Variants in SLC15A2 observed in about 807,000 individuals in gnomAD.
SLC15A2 encodes the protein solute carrier family 15 member 2.
Under a neutral mutation model 95.5 loss-of-function variants are expected in SLC15A2, and 77 were observed. The observed-to-expected ratio is 0.81, with a 90% CI of 0.67 to 0.97. SLC15A2 has a LOEUF of 0.97. SLC15A2 is among the 50% of genes least tolerant of loss of function. The pLI is 0.00. For synonymous variants in SLC15A2, 306 were observed against 306.9 expected, an observed-to-expected ratio of 1.00 and a Z score of 0.03; for missense variants, 893 against 874.4, an observed-to-expected ratio of 1.02 and a Z score of -0.27.
Position 121,911,672 on chromosome 3 carries a change from T to A in SLC15A2, c.428+6T>A. On this transcript the variant is annotated splice_donor_region_variant and intron_variant, in intron 4 of 21. Coordinates refer to ENST00000489711, the MANE Select transcript of SLC15A2 (RefSeq NM_021082.4). ...GGAGGACAAGTGGTACACACGTGAG[T>A]AAAATCATGGAATCAACTAAACTAC... 1 of 1,574,964 alleles carries A rather than the reference T, an allele frequency of 6.3e-7. No individual in the cohort carries two copies. The highest frequency in any genetic ancestry group is 8.7e-7 in the Non-Finnish European group (1 of 1,144,582).
chr3:121,897,467 C>T lies in SLC15A2; in HGVS notation c.273C>T (p.Ser91=), dbSNP rs1289948843. The change falls in exon 3 of 22, where the codon AGC becomes AGT. Residue 91 remains serine (S), a synonymous_variant. Transcript: ENST00000489711. ...CATCTATATACCATGCCTTCAGCAG[C>T]CTCTGTTATTTTACTCCCATCCTGG... is the stretch of plus-strand genomic sequence containing the variant. ...TSTSIYHAFS[S]LCYFTPILGA... 1.9e-6 allele frequency: 3 copies of T among 1,614,092 alleles called. No homozygotes were observed. Among genetic ancestry groups the T allele is most frequent in the Non-Finnish European group, 2.5e-6 (3 of 1,180,012 alleles).
At chr3:121,938,690 G>A (rs1054636064) in intron 19 of SLC15A2, among the ~76,000 whole-genome samples, 132 of 152,290 alleles carry the variant, frequency 8.7e-4, no homozygotes, top group African/African-American at 2.7e-3. Context: ...AGATGAGCCC[G>A]GTACCTCAGA....
chr3:121,937,635 T>C (rs559850417), intron 19 of SLC15A2, among the ~76,000 whole-genome samples: 6 of 152,270 alleles, frequency 3.9e-5, no homozygotes, highest in East Asian at 1.9e-4. Context: ...TAAGCACTTC[T>C]CTGTATTGGT....
In SLC15A2 at chr3:121,942,591, C is replaced by T. The variant is rs1576697541; in HGVS notation, c.*1584C>T. ...CAGAAATATAAGAGCGGCAGCCAGA[C>T]CAACCAGTTTTTCCAGATATCTTGA... On this transcript the variant is annotated 3_prime_UTR_variant, in exon 22 of 22. Coordinates refer to ENST00000489711, the MANE Select transcript of SLC15A2 (RefSeq NM_021082.4). 1 of 152,156 alleles carries T rather than the reference C, an allele frequency of 6.6e-6. No homozygotes were observed. The highest frequency in any genetic ancestry group is 1.5e-5 in the Non-Finnish European group (1 of 68,014). The allele number at this position is 152,156 out of a possible 1,614,324, so 9.4% of individuals were successfully genotyped here.
At chr3:121,935,130 G>T (rs561428446) in intron 19 of SLC15A2, among the ~76,000 whole-genome samples, 548 of 152,286 alleles carry the variant, frequency 3.6e-3, no homozygotes, top group Middle Eastern at 0.01. Flanking sequence ...GATCATGGTG[G>T]ATAAGCTTTT....
chr3:121,904,225 G>C (rs927590655), intron 3 of SLC15A2, among the ~76,000 whole-genome samples: 2 of 152,150 alleles, frequency 1.3e-5, no homozygotes, highest in Non-Finnish European at 2.9e-5. Context: ...TGCTGAAGTT[G>C]CTTATCAGCT....
intron 7 of SLC15A2, among the ~76,000 whole-genome samples, chr3:121,918,449 A>G (rs1709938779): frequency 6.6e-6 from 1 of 152,186 alleles, no homozygotes; most frequent in Admixed American, 6.5e-5. Flanking sequence ...GAAATACAGG[A>G]TTAGAGCTTA....
At chr3:121,896,996 G>A (rs1709430606) in intron 2 of SLC15A2, among the ~76,000 whole-genome samples, 2 of 149,552 alleles carry the variant, frequency 1.3e-5, no homozygotes, top group East Asian at 4.2e-4. Context: ...AACAGCTCTT[G>A]GCTAAGGGCT....
chr3:121,927,710 C>A, intron 13 of SLC15A2, 48 bp from the exon 14 acceptor site: 1 of 1,422,406 alleles, frequency 7.0e-7, no homozygotes, highest in Non-Finnish European at 9.9e-7. Flanking sequence ...GGATTTCATC[C>A]TTTAGAGTCT....
chr3:121,939,227 T>A, intron 19 of SLC15A2, 122 bp from the exon 20 acceptor site: 1 of 823,376 alleles, frequency 1.2e-6, no homozygotes, highest in Non-Finnish European at 1.7e-6. Context: ...ATGCTCAATT[T>A]CCTGAAAATG....
chr3:121,923,955 C>T (rs1236953235), intron 11 of SLC15A2, among the ~76,000 whole-genome samples: 1 of 152,180 alleles, frequency 6.6e-6, no homozygotes, highest in East Asian at 1.9e-4. Context: ...TGTTGACCCT[C>T]TGGAGAACAA....
At chr3:121,904,048 C>T (rs1709579614) in intron 3 of SLC15A2, among the ~76,000 whole-genome samples, 1 of 152,150 alleles carries the variant, frequency 6.6e-6, no homozygotes, top group Non-Finnish European at 1.5e-5. Flanking sequence ...TGTAGTTCTC[C>T]TTGAAGAGGT....
In SLC15A2 at chr3:121,941,431, T is replaced by C. The variant is rs1710462329; in HGVS notation, c.*424T>C. On this transcript the variant is annotated 3_prime_UTR_variant, in exon 22 of 22. Transcript: ENST00000489711. ...CAAAGAAATGGTATTTCAAGTTTTTTTTTTTATAAGCAATGTAATTATGCT... is the reference window on the plus strand; with the variant it reads ...CAAAGAAATGGTATTTCAAGTTTTTCTTTTTATAAGCAATGTAATTATGCT... 1 of 154,008 alleles carries C rather than the reference T, an allele frequency of 6.5e-6. No homozygotes were observed. The highest frequency in any genetic ancestry group is 1.4e-5 in the Non-Finnish European group (1 of 69,368). 9.5% of individuals were successfully genotyped at this position (154,008 alleles called of 1,614,324 possible). A position where few individuals can be genotyped will look rare whatever the true frequency, so the allele number is the denominator to read the frequency against.
chr3:121,903,538 G>A (rs1286167710), intron 3 of SLC15A2, among the ~76,000 whole-genome samples: 5 of 152,134 alleles, frequency 3.3e-5, no homozygotes, highest in Non-Finnish European at 5.9e-5. Flanking sequence ...TAAGGTGTAA[G>A]GAAGGGATCC....
chr3:121,916,175 T>C (rs935290585), intron 7 of SLC15A2, among the ~76,000 whole-genome samples: 7 of 152,216 alleles, frequency 4.6e-5, no homozygotes, highest in African/African-American at 1.7e-4. Context: ...CCCTGCTCTG[T>C]AGTGCCCCCA....
intron 3 of SLC15A2, among the ~76,000 whole-genome samples, chr3:121,909,536 G>T (rs1269067584): frequency 6.6e-6 from 1 of 152,098 alleles, no homozygotes; most frequent in Non-Finnish European, 1.5e-5. Flanking sequence ...TTGACTTCTT[G>T]CTCCTCCTAT....
chr3:121,931,716 A>G lies in SLC15A2; in HGVS notation c.1742A>G (p.Tyr581Cys). 1 of 1,611,032 alleles carries G rather than the reference A, an allele frequency of 6.2e-7. No individual in the cohort carries two copies. The highest frequency in any genetic ancestry group is 8.5e-7 in the Non-Finnish European group (1 of 1,177,248). Residue 581 changes from tyrosine (Y) to cysteine (C), a missense_variant, in exon 19 of 22, where the codon TAT becomes TGT. Transcript: ENST00000489711. Reference sequence around the variant, plus strand: ...GGTCTTCTAGACTTTGGTGCAGCATATCTGTTTGTTATTACTAATGTAAGT... The same window carrying G: ...GGTCTTCTAGACTTTGGTGCAGCATGTCTGTTTGTTATTACTAATGTAAGT... ...NLGLLDFGAA[Y>C]LFVITNNTNQ...
At chr3:121,913,712 A>G (rs1397134537) in intron 5 of SLC15A2, among the ~76,000 whole-genome samples, 3 of 152,164 alleles carry the variant, frequency 2.0e-5, no homozygotes, top group Admixed American at 6.5e-5. Context: ...CTCTCTTCCT[A>G]AATACTTTCC....
rs1233793163 is a variant in SLC15A2 at position 121,941,965 on chromosome 3, A to G, written c.*958A>G. On this transcript the variant is annotated 3_prime_UTR_variant, in exon 22 of 22. Transcript: ENST00000489711. Reference sequence around the variant, plus strand: ...TAACAACAATGTTTCTATAAGTCCAACTTCCTTTATTAATGTTTCCATTTA... The same window carrying G: ...TAACAACAATGTTTCTATAAGTCCAGCTTCCTTTATTAATGTTTCCATTTA... 2.6e-5 allele frequency: 4 copies of G among 152,216 alleles called. No homozygotes were observed. The highest frequency in any genetic ancestry group is 7.2e-5 in the African/African-American group (3 of 41,448). The allele number at this position is 152,216 out of a possible 1,614,324, so 9.4% of individuals were successfully genotyped here.
Sources: allele counts gnomAD v4.1 joint callset (sites outside exome capture counted in the v4.1 genomes callset), GRCh38; gene constraint gnomAD v4.1.1; transcripts MANE v1.5; gene names NCBI Gene and HGNC (gene_info 2026-07-23, HGNC 2026-07-21).